Variants in ADGRD1 observed in about 807,000 individuals in gnomAD.
ADGRD1 encodes adhesion G protein-coupled receptor D1, also known as G-protein coupled receptor 133.
ADGRD1 carries 77 observed loss-of-function variants against 113.4 expected under a neutral mutation model. The observed-to-expected ratio is 0.68, with a 90% confidence interval of 0.57 to 0.82. The LOEUF (loss-of-function observed/expected upper bound fraction) is 0.82, where lower values mean the gene tolerates loss of function less well. ADGRD1 is among the 40% of genes least tolerant of loss of function. The pLI is 0.00. For synonymous variants in ADGRD1, 474 were observed against 475.0 expected (o/e 1.00, Z 0.03); for missense variants, 1,036 against 1,139.1 (o/e 0.91, Z 1.30).
chr12:130,987,666 A>G (rs150588642), intron 6 of ADGRD1: 1 of 386,354 alleles, frequency 2.6e-6, no homozygotes, highest in South Asian at 2.7e-5. Flanking sequence ...TTTGATCAAC[A>G]AATGTTAGCC....
rs1871059680 is a variant in ADGRD1, at chr12:130,966,867, G to T, written c.187+321G>T. On this transcript the variant is annotated intron_variant, in intron 3 of 24. Coordinates refer to ENST00000261654, the MANE Select transcript of ADGRD1 (RefSeq NM_198827.5). This position sits in a 1 kb window ranked among gnomAD's most constrained non-coding sequence, Gnocchi z 4.6. The stretch of plus-strand genomic sequence containing the variant: ...AGCTCCTGGCCTCAGCAATCCTCTG[G>T]CCTTGGCCTCCCAAAGTGCTGGAAT... 4 of 428,174 alleles carry T rather than the reference G, an allele frequency of 9.3e-6. No homozygotes were observed. Among genetic ancestry groups the T allele is most frequent in the South Asian group, 3.7e-5 (2 of 54,568 alleles). The allele number at this position is 428,174 out of a possible 1,614,324, so 26.5% of individuals were successfully genotyped here.
At chr12:131,128,854 G>A (rs1341767726) in intron 20 of ADGRD1, among the ~76,000 whole-genome samples, 2 of 151,622 alleles carry the variant, frequency 1.3e-5, no homozygotes, top group Non-Finnish European at 1.5e-5. Context: ...CCTGCTGTCT[G>A]GGTGTGGACG....
chr12:131,091,906 C>G (rs1886933260), intron 15 of ADGRD1: 1 of 152,266 alleles, frequency 6.6e-6, no homozygotes, highest in African/African-American at 2.4e-5. Context: ...ACTGCGCCTT[C>G]CTGATGTCCG....
chr12:131,116,860 G>A (rs1460803992), intron 18 of ADGRD1, among the ~76,000 whole-genome samples: 2 of 152,256 alleles, frequency 1.3e-5, no homozygotes, highest in Non-Finnish European at 2.9e-5. Context: ...AGCAGGCCCC[G>A]TGGATGATGC....
chr12:131,110,086 A>G (rs1950317311), intron 18 of ADGRD1, among the ~76,000 whole-genome samples: 1 of 152,168 alleles, frequency 6.6e-6, no homozygotes, highest in Admixed American at 6.5e-5. Context: ...ACTTATTTGT[A>G]TCTTTGAACC....
At chr12:131,058,562 G>T (rs534364367) in intron 13 of ADGRD1, among the ~76,000 whole-genome samples, 1 of 152,062 alleles carries the variant, frequency 6.6e-6, no homozygotes, top group Non-Finnish European at 1.5e-5. Flanking sequence ...TGTCCGGCCT[G>T]TTGGCATCAA....
chr12:131,055,955 G>A (rs2137063853), intron 13 of ADGRD1, among the ~76,000 whole-genome samples: 1 of 152,272 alleles, frequency 6.6e-6, no homozygotes, highest in South Asian at 2.1e-4. Context: ...ACAGAGCTAG[G>A]CTGTAAAATA....
chr12:131,070,695 G>A, intron 13 of ADGRD1: 1 of 413,972 alleles, frequency 2.4e-6, no homozygotes, highest in Non-Finnish European at 5.0e-6. Flanking sequence ...CCACGGAGAT[G>A]AGGGCGTGTC....
chr12:130,997,323 C>A (rs1302644396), intron 8 of ADGRD1, among the ~76,000 whole-genome samples: 2 of 150,246 alleles, frequency 1.3e-5, no homozygotes, highest in African/African-American at 2.5e-5. Flanking sequence ...ACCTCCCTCC[C>A]GGACGGGGTG....
At chr12:131,098,103 C>T (rs1185872598) in intron 15 of ADGRD1, among the ~76,000 whole-genome samples, 3 of 38,514 alleles carry the variant, frequency 7.8e-5, no homozygotes, top group African/African-American at 1.7e-4. Context: ...CGGCCTGGCT[C>T]TGCTGCTGTC....
At chr12:131,055,607 G>A (rs1883796514) in intron 13 of ADGRD1, among the ~76,000 whole-genome samples, 1 of 152,176 alleles carries the variant, frequency 6.6e-6, no homozygotes, top group South Asian at 2.1e-4. Context: ...CTATGTTGTT[G>A]ACTTCAGAGT....
intron 13 of ADGRD1, among the ~76,000 whole-genome samples, chr12:131,058,334 G>A (rs1448018634): frequency 6.6e-6 from 1 of 152,138 alleles, no homozygotes; most frequent in Non-Finnish European, 1.5e-5. Context: ...GACCCAGGGC[G>A]GGTCGGCTGC....
rs1279454874 is a variant in ADGRD1 at position 131,129,482 on chromosome 12, C to T, written c.2176-2243C>T. Among the ~76,000 whole-genome samples the T allele has an allele frequency of 2.0e-3, 201 of 102,104 alleles. 1 individual carries two copies. Among genetic ancestry groups the T allele is most frequent in the African/African-American group, 9.2e-3 (195 of 21,250 alleles). 67.0% of individuals were successfully genotyped at this position (102,104 alleles called of 152,430 possible). On this transcript the variant is annotated intron_variant, in intron 20 of 24. Transcript: ENST00000261654. ...CCTGCTGTCTGGGTGTGAGTGACAG[C>T]CCCGCCCTGCTGTCTGGGTGTGAGT...
chr12:131,047,795 A>G (rs918919091), intron 13 of ADGRD1, among the ~76,000 whole-genome samples: 1 of 152,166 alleles, frequency 6.6e-6, no homozygotes, highest in Non-Finnish European at 1.5e-5. Context: ...CAGCGTAAAG[A>G]CATCATCACC....
Position 131,098,159 on chromosome 12 carries a change from T to A in ADGRD1, c.1672-6672T>A, listed in dbSNP as rs11061323. 1.0e-4 allele frequency among the ~76,000 whole-genome samples: 3 copies of A among 28,878 alleles called. 1 individual carries two copies. The highest frequency in any genetic ancestry group is 4.8e-4 in the Admixed American group (1 of 2,098). The allele number at this position is 28,878 out of a possible 152,430, so 18.9% of individuals were successfully genotyped here. A position where few individuals can be genotyped will look rare whatever the true frequency, so the allele number is the denominator to read the frequency against. ...GCGGTGGCCGCTGTCTGGGCCTCAC[T>A]TCCTTCTCCCGCAGTGGCTGCTGTC... is the stretch of plus-strand genomic sequence containing the variant. On this transcript the variant is annotated intron_variant, in intron 15 of 24. Coordinates refer to ENST00000261654, the MANE Select transcript of ADGRD1 (RefSeq NM_198827.5).
intron 9 of ADGRD1, among the ~76,000 whole-genome samples, chr12:131,000,656 G>A (rs181059285): frequency 6.6e-6 from 1 of 151,282 alleles, no homozygotes; most frequent in Non-Finnish European, 1.5e-5. Flanking sequence ...CAGGAGAATT[G>A]CTGGAACCTG....
At chr12:131,122,453 C>G (rs1188255177) in intron 20 of ADGRD1, among the ~76,000 whole-genome samples, 1 of 152,152 alleles carries the variant, frequency 6.6e-6, no homozygotes, top group African/African-American at 2.4e-5. Flanking sequence ...ATCGCTTTAC[C>G]GACTCTACCC....
At chr12:131,011,924 T>G (rs1877959291) in intron 12 of ADGRD1, among the ~76,000 whole-genome samples, 1 of 152,192 alleles carries the variant, frequency 6.6e-6, no homozygotes, top group Non-Finnish European at 1.5e-5. Flanking sequence ...AAGGTTCTGC[T>G]GAGTGAGTCA....
At chr12:131,077,328 G>A (rs890373914) in intron 14 of ADGRD1, among the ~76,000 whole-genome samples, 1 of 152,168 alleles carries the variant, frequency 6.6e-6, no homozygotes, top group African/African-American at 2.4e-5. Flanking sequence ...CTGACCATCA[G>A]GCCTGCCTAA....
Sources: allele counts gnomAD v4.1 joint callset (sites outside exome capture counted in the v4.1 genomes callset), GRCh38; gene constraint gnomAD v4.1.1; non-coding constraint Gnocchi (gnomAD v3.1); transcripts MANE v1.5; gene names NCBI Gene and HGNC (gene_info 2026-07-23, HGNC 2026-07-21).